The following AHCTF1 variants were observed in gnomAD, a reference collection of about 807,000 sequenced individuals.
AHCTF1 encodes protein ELYS.
AHCTF1 carries 24 observed loss-of-function variants against 248.4 expected under a neutral mutation model. The observed-to-expected ratio is 0.10, with a 90% CI of 0.07 to 0.14. The LOEUF is 0.14. Among genes scored for constraint, AHCTF1 ranks in the 10% least tolerant of loss-of-function variants. The pLI, the probability that AHCTF1 is intolerant of heterozygous loss-of-function variation, is 1.00. For synonymous variants in AHCTF1, 786 were observed against 929.8 expected (o/e 0.85, Z 2.81); for missense variants, 2,206 against 2,636.2 (o/e 0.84, Z 3.57).
chr1:246,891,748 A>G, intron 15 of AHCTF1, 31 bp downstream of exon 15: 10 of 1,599,448 alleles, frequency 6.3e-6, no homozygotes, highest in South Asian at 1.1e-5. Context: ...AAATTTAATA[A>G]AACACTCATT....
chr1:246,920,663 G>C (rs565675860), intron 1 of AHCTF1, among the ~76,000 whole-genome samples: 1 of 151,954 alleles, frequency 6.6e-6, no homozygotes, highest in South Asian at 2.1e-4. Context: ...CCAGCTACTC[G>C]GGAGGCTGAG....
In AHCTF1 at chr1:246,840,739, A is replaced by G. The variant is rs1294320085; in HGVS notation, c.*67T>C. The stretch of plus-strand genomic sequence containing the variant: ...TATAAATTATTTTCTTCCAAACTAG[A>G]TATTTAATAATCCACACTATTCTGA... On this transcript the variant is annotated 3_prime_UTR_variant, in exon 36 of 36. Transcript: ENST00000648844. 6.1e-6 allele frequency: 7 copies of G among 1,144,284 alleles called. No individual in the cohort carries two copies. Among genetic ancestry groups the G allele is most frequent in the East Asian group, 2.7e-5 (1 of 37,520 alleles). 70.9% of individuals were successfully genotyped at this position (1,144,284 alleles called of 1,614,324 possible).
intron 17 of AHCTF1, 96 bp downstream of exon 17, chr1:246,889,870 A>T: frequency 1.2e-6 from 1 of 849,416 alleles, no homozygotes; most frequent in Non-Finnish European, 1.9e-6. Context: ...CTTAACTGAG[A>T]ATTCTACCCA....
intron 31 of AHCTF1, among the ~76,000 whole-genome samples, chr1:246,855,111 G>C (rs1221499562): frequency 6.6e-6 from 1 of 152,212 alleles, no homozygotes; most frequent in Non-Finnish European, 1.5e-5. Context: ...ATGGGCTCTA[G>C]AGTCAGATAA....
rs1335717323 is a variant in AHCTF1, at chr1:246,887,318, T to C, written c.2365A>G (p.Asn789Asp). The part of the protein sequence containing the change: ...LLLDIMYSFP[N>D]KTDTPIESFP... ...GATTCAATGGGAGTGTCTGTTTTGTTGGGAAAGGAATACATAATATCAAGT... is the reference window on the plus strand; with the variant it reads ...GATTCAATGGGAGTGTCTGTTTTGTCGGGAAAGGAATACATAATATCAAGT... The change falls in exon 20 of 36, where the codon AAC becomes GAC. Residue 789 changes from asparagine to aspartate, a missense_variant. Physicochemically the swap from Asn to Asp is conservative, Grantham distance 23 (BLOSUM62 1). Coordinates refer to ENST00000648844, the MANE Select transcript of AHCTF1 (RefSeq NM_001323342.2). 1 of 1,613,060 alleles carries C rather than the reference T, an allele frequency of 6.2e-7. No individual in the cohort carries two copies. The highest frequency in any genetic ancestry group is 2.2e-5 in the East Asian group (1 of 44,780).
chr1:246,907,787 TAAA>T, intron 4 of AHCTF1, 29 bp from the exon 5 acceptor site: 1 of 1,583,362 alleles, frequency 6.3e-7, no homozygotes, highest in Non-Finnish European at 8.6e-7. Context: ...CAAATGAAGT[TAAA>T]AAACTAGAAA....
At chr1:246,899,630 T>C in intron 10 of AHCTF1, 118 bp from the exon 11 acceptor site, 1 of 659,854 alleles carries the variant, frequency 1.5e-6, no homozygotes, top group Admixed American at 3.5e-5. Flanking sequence ...ATGTAATAAA[T>C]CTTTAAATAA....
At chr1:246,860,481 TC>T (rs1192162373) in intron 29 of AHCTF1, among the ~76,000 whole-genome samples, 1 of 152,168 alleles carries the variant, frequency 6.6e-6, no homozygotes, top group African/African-American at 2.4e-5. Flanking sequence ...AGCCACACTT[TC>T]TAAGCTGAAG....
At chr1:246,911,995 G>A (rs1004856915) in intron 4 of AHCTF1, among the ~76,000 whole-genome samples, 4 of 151,888 alleles carry the variant, frequency 2.6e-5, no homozygotes, top group African/African-American at 9.7e-5. Context: ...GTGCAGTGGC[G>A]TGATCTCGGT....
In AHCTF1 at chr1:246,861,057, G is replaced by C. The variant is rs759251600; in HGVS notation, c.3974C>G (p.Pro1325Arg). The change falls in exon 29 of 36, where the codon CCG becomes CGG. Residue 1325 changes from proline (P) to arginine (R), a missense_variant. Pro to Arg is a moderately radical substitution (Grantham distance 103, BLOSUM62 -2). Coordinates refer to ENST00000648844, the MANE Select transcript of AHCTF1 (RefSeq NM_001323342.2). ...AGTCTCTTCAAGGTCTTCCGGTGAC[G>C]GTGCATCCTGATACTCTAAGGTAGT... ...DETTLEYQDA[P>R]SPEDLEETVF... 39 of 1,613,886 alleles carry C rather than the reference G, an allele frequency of 2.4e-5. 1 individual carries two copies. The South Asian group carries it at 4.0e-4, about 16-fold the overall frequency.
At chr1:246,902,409 C>A in intron 8 of AHCTF1, 116 bp downstream of exon 8, 1 of 1,270,496 alleles carries the variant, frequency 7.9e-7, no homozygotes, top group Non-Finnish European at 1.1e-6. Context: ...GAATAAATTC[C>A]GTTAATTACT....
chr1:246,913,492 A>G, intron 3 of AHCTF1, 80 bp from the exon 4 acceptor site: 3 of 1,371,634 alleles, frequency 2.2e-6, no homozygotes, highest in Non-Finnish European at 3.0e-6. Context: ...AAGTTAAAGC[A>G]GGTTATCAGT....
Position 246,860,912 on chromosome 1 carries a change from T to C in AHCTF1, c.4119A>G (p.Leu1373=). 2 of 1,607,404 alleles carry C rather than the reference T, an allele frequency of 1.2e-6. No individual in the cohort carries two copies. Among genetic ancestry groups the C allele is most frequent in the Non-Finnish European group, 1.7e-6 (2 of 1,174,440 alleles). The change falls in exon 29 of 36, where the codon CTA becomes CTG. Residue 1373 remains leucine (L), a synonymous_variant. Transcript: ENST00000648844. ...ATGAGTTCTTACCCATTTGTTTCTGTAGGTCTGAAGGAGTTACTTCTGATG... is the reference window on the plus strand; with the variant it reads ...ATGAGTTCTTACCCATTTGTTTCTGCAGGTCTGAAGGAGTTACTTCTGATG... ...VFASEVTPSD[L]QKQMGNLEDA...
rs1360077041 is a variant in AHCTF1 at position 246,913,321 on chromosome 1, G to A, written c.467C>T (p.Ala156Val). 1 of 1,613,980 alleles carries A rather than the reference G, an allele frequency of 6.2e-7. No homozygotes were observed. The highest frequency in any genetic ancestry group is 1.3e-5 in the African/African-American group (1 of 75,034). Residue 156 changes from alanine (A) to valine (V), a missense_variant, in exon 4 of 36, where the codon GCA (alanine) becomes GTA (valine). Coordinates refer to ENST00000648844, the MANE Select transcript of AHCTF1 (RefSeq NM_001323342.2). The part of the protein sequence containing the change: ...HPSLRWLFGV[A>V]AVVTDVGQIL... ...CTGTCCAACATCAGTGACCACAGCT[G>A]CCACTCCAAAAAGCCATCGCAGACT...
Position 246,898,194 on chromosome 1 carries a change from A to AGG in AHCTF1, c.1623+13_1623+14insCC. ...TCCAACCAAAAGAAACAATAGAGTTAAAAATCATCTCACTTGGCTTAAACT... is the reference window on the plus strand; with the variant it reads ...TCCAACCAAAAGAAACAATAGAGTTAGGAAAATCATCTCACTTGGCTTAAACT... On this transcript the variant is annotated intron_variant, in intron 12 of 35. Transcript: ENST00000648844. The AGG allele has an allele frequency of 6.2e-7, 1 of 1,611,644 alleles. No individual in the cohort carries two copies. The highest frequency in any genetic ancestry group is 1.1e-5 in the South Asian group (1 of 90,856).
chr1:246,856,891 A>C (rs996376911), intron 30 of AHCTF1, among the ~76,000 whole-genome samples: 23 of 152,200 alleles, frequency 1.5e-4, no homozygotes, highest in African/African-American at 3.9e-4. Flanking sequence ...ACCATTTATA[A>C]TGTTGTAAGT....
chr1:246,875,849 C>T (rs1246037469), intron 24 of AHCTF1, among the ~76,000 whole-genome samples, 188 bp downstream of exon 24: 1 of 152,190 alleles, frequency 6.6e-6, no homozygotes, highest in East Asian at 1.9e-4. Flanking sequence ...GAAACCAAAA[C>T]TTCAGAGGAC....
At position 246,876,881 on chromosome 1, in the gene AHCTF1, T is replaced by C. The variant is rs1663007372; in HGVS notation, c.2937+69A>G. ...GGTTACCAAACTGTAAGCTCTTATA[T>C]AACAACCAAAAAAGCCTCCAGTTTT... is the stretch of plus-strand genomic sequence containing the variant. On this transcript the variant is annotated intron_variant, in intron 23 of 35. Coordinates refer to ENST00000648844, the MANE Select transcript of AHCTF1 (RefSeq NM_001323342.2). 4.5e-6 allele frequency: 7 copies of C among 1,566,052 alleles called. No homozygotes were observed. In the Admixed American group the frequency reaches 1.3e-4, roughly 28 times the overall value.
chr1:246,860,849 T>C, intron 29 of AHCTF1, 50 bp downstream of exon 29: 1 of 1,569,926 alleles, frequency 6.4e-7, no homozygotes, highest in Non-Finnish European at 8.7e-7. Flanking sequence ...TTATAAACTT[T>C]ATTGAGGGAC....
Sources: gnomAD v4.1 joint callset for allele counts (sites outside exome capture counted in the v4.1 genomes callset) on GRCh38, gnomAD v4.1.1 for gene constraint, MANE v1.5 for transcripts, NCBI Gene and HGNC (gene_info 2026-07-23, HGNC 2026-07-21) for gene names.